AKNAD1: variants seen among roughly 807,000 people sequenced by gnomAD.
The protein encoded by AKNAD1 is protein AKNAD1.
In AKNAD1, 67 loss-of-function variants were observed where a neutral mutation model predicts 90.8. The observed-to-expected ratio is 0.74, with a 90% confidence interval of 0.61 to 0.90. The LOEUF (loss-of-function observed/expected upper bound fraction) is 0.90. Ranked by LOEUF, AKNAD1 falls within the 40% of genes least tolerant of loss-of-function variation. The pLI, the probability that AKNAD1 is intolerant of heterozygous loss-of-function variation, is 0.00. For missense variants in AKNAD1, 957 were observed against 975.4 expected, an observed-to-expected ratio of 0.98 and a Z score of 0.25; for synonymous variants, 327 against 341.4, an observed-to-expected ratio of 0.96 and a Z score of 0.46.
intron 5 of AKNAD1, among the ~76,000 whole-genome samples, chr1:108,846,672 C>T (rs1373291666): frequency 6.6e-6 from 1 of 152,094 alleles, no homozygotes; most frequent in Non-Finnish European, 1.5e-5. Flanking sequence ...CTCTTCACTT[C>T]TCACTCTGTG....
At chr1:108,817,497 A>ATTTTTTTTTTTTTTTTTTTTTTTTT (rs10681740) in intron 14 of AKNAD1, 7 of 60,336 alleles carry the variant, frequency 1.2e-4, no homozygotes, top group East Asian at 5.4e-4. Context: ...TTTTTTTTTA[A>ATTTTTTTTTTTTTTTTTTTTTTTTT]TTTTTTTTTT....
At chr1:108,840,914 T>C (rs1301600300) in intron 6 of AKNAD1, among the ~76,000 whole-genome samples, 1 of 152,214 alleles carries the variant, frequency 6.6e-6, no homozygotes, top group Non-Finnish European at 1.5e-5. Context: ...CTCATGCCTG[T>C]AATCCCAGCA....
intron 14 of AKNAD1, among the ~76,000 whole-genome samples, chr1:108,817,611 C>T (rs1167121873): frequency 2.0e-5 from 3 of 147,118 alleles, no homozygotes; most frequent in Admixed American, 1.4e-4. Context: ...ACGCCATTCT[C>T]GTGCCTCAGC....
chr1:108,828,140 A>G (rs1664071615), intron 10 of AKNAD1, among the ~76,000 whole-genome samples: 1 of 151,640 alleles, frequency 6.6e-6, no homozygotes, highest in Non-Finnish European at 1.5e-5. Context: ...AGGGGAAGAA[A>G]CTATGCTATA....
intron 5 of AKNAD1, among the ~76,000 whole-genome samples, chr1:108,848,275 A>T (rs1664755557): frequency 6.6e-6 from 1 of 152,226 alleles, no homozygotes; most frequent in South Asian, 2.1e-4. Flanking sequence ...GATGACATAA[A>T]TTAATGGTTT....
chr1:108,827,297 T>G lies in AKNAD1; in HGVS notation c.1844A>C (p.Gln615Pro), dbSNP rs758115565. The G allele has an allele frequency of 6.2e-7, 1 of 1,608,138 alleles. No homozygotes were observed. The highest frequency in any genetic ancestry group is 8.5e-7 in the Non-Finnish European group (1 of 1,176,464). Residue 615 changes from glutamine to proline, a missense_variant, in exon 11 of 16, where the codon CAA becomes CCA. Physicochemically the swap from Gln to Pro is moderately conservative, Grantham distance 76. Coordinates refer to ENST00000370001, the MANE Select transcript of AKNAD1 (RefSeq NM_152763.5). ...TCCGTGGCCCTTTTTCTCCACGTTT[T>G]GCTTCCTAAAAAAAGGTGCATAAGA... is the stretch of plus-strand genomic sequence containing the variant. ...AFCRRLLEWK[Q>P]NVEKKGHGRI...
chr1:108,851,843 C>T lies in AKNAD1; in HGVS notation c.822G>A (p.Lys274=). 2 of 1,613,708 alleles carry T rather than the reference C, an allele frequency of 1.2e-6. No homozygotes were observed. The highest frequency in any genetic ancestry group is 1.7e-6 in the Non-Finnish European group (2 of 1,179,906). ...IAPKVKIPKN[K]IINKPLAIAK... ...CTATTGCAAGTGGTTTATTAATTAT[C>T]TTATTTTTAGGAATTTTCACTTTGG... The change falls in exon 2 of 16, where the codon AAG becomes AAA. Residue 274 remains lysine, a synonymous_variant. Coordinates refer to ENST00000370001, the MANE Select transcript of AKNAD1 (RefSeq NM_152763.5).
intron 10 of AKNAD1, among the ~76,000 whole-genome samples, chr1:108,828,908 A>C (rs887759516): frequency 2.6e-5 from 4 of 151,872 alleles, no homozygotes; most frequent in Non-Finnish European, 4.4e-5. Context: ...GTTTTTCAAC[A>C]AGACAAAGCA....
chr1:108,818,271 T>C (rs1158476258), intron 14 of AKNAD1, among the ~76,000 whole-genome samples: 1 of 152,238 alleles, frequency 6.6e-6, no homozygotes, highest in Non-Finnish European at 1.5e-5. Context: ...AAAACACTTG[T>C]GAGGAATATC....
At chr1:108,836,120 A>T (rs1170601010) in intron 7 of AKNAD1, among the ~76,000 whole-genome samples, 1 of 152,220 alleles carries the variant, frequency 6.6e-6, no homozygotes, top group Non-Finnish European at 1.5e-5. Context: ...GAGAGTTCTC[A>T]TCATTTCACA....
At chr1:108,845,964 T>G (rs916720316) in intron 5 of AKNAD1, among the ~76,000 whole-genome samples, 1 of 152,164 alleles carries the variant, frequency 6.6e-6, no homozygotes, top group East Asian at 1.9e-4. Context: ...AATCACAAAT[T>G]ATAATTCAGG....
In AKNAD1 at chr1:108,847,594, A is replaced by T. The variant is rs563037892; in HGVS notation, c.1245+1158T>A. The stretch of plus-strand genomic sequence containing the variant: ...GTCACCACGTGCTCCCAAGTGCTGT[A>T]TGGTAAATCACAGTGCCCACAGCTC... On this transcript the variant is annotated intron_variant, in intron 5 of 15. Coordinates refer to ENST00000370001, the MANE Select transcript of AKNAD1 (RefSeq NM_152763.5). Among the ~76,000 whole-genome samples the T allele has an allele frequency of 8.0e-5, 12 of 150,288 alleles. No individual in the cohort carries two copies. The South Asian group carries it at 2.5e-3, about 32-fold the overall frequency.
At chr1:108,830,756 C>A in intron 9 of AKNAD1, 106 bp from the exon 10 acceptor site, 1 of 1,072,800 alleles carries the variant, frequency 9.3e-7, no homozygotes, top group Non-Finnish European at 1.4e-6. Flanking sequence ...GAACTTGCCA[C>A]CTCAGGCAGA....
chr1:108,818,517 CTTA>C (rs988553021), intron 14 of AKNAD1, among the ~76,000 whole-genome samples: 1 of 152,152 alleles, frequency 6.6e-6, no homozygotes, highest in Non-Finnish European at 1.5e-5. Flanking sequence ...TTGCTGAGTA[CTTA>C]TTATGAGCCT....
chr1:108,848,363 T>C (rs963696831), intron 5 of AKNAD1, among the ~76,000 whole-genome samples: 6 of 152,238 alleles, frequency 3.9e-5, no homozygotes, highest in African/African-American at 1.2e-4. Context: ...GTTGATTTTA[T>C]GAGTATTCAA....
At chr1:108,830,697 C>G in intron 9 of AKNAD1, 47 bp from the exon 10 acceptor site, 3 of 1,590,120 alleles carry the variant, frequency 1.9e-6, no homozygotes, top group Non-Finnish European at 1.7e-6. Flanking sequence ...GGATGTGACT[C>G]ACGCCGCGGC....
chr1:108,839,471 T>TAAAAAAAAAAAAAGAAAAAAAAAA (rs3044857), intron 6 of AKNAD1, among the ~76,000 whole-genome samples: 2 of 126,164 alleles, frequency 1.6e-5, no homozygotes, highest in South Asian at 2.3e-4. Flanking sequence ...TCCGTCTCAA[T>TAAAAAAAAAAAAAGAAAAAAAAAA]AAAAAAAAAA....
At chr1:108,829,758 C>T (rs1664127537) in intron 10 of AKNAD1, among the ~76,000 whole-genome samples, 1 of 152,194 alleles carries the variant, frequency 6.6e-6, no homozygotes, top group Admixed American at 6.5e-5. Flanking sequence ...CCATTACGTA[C>T]ATATAACAGT....
Position 108,849,532 on chromosome 1 carries a change from A to G in AKNAD1, c.1033+5T>C. 1 of 1,559,978 alleles carries G rather than the reference A, an allele frequency of 6.4e-7. No individual in the cohort carries two copies. Among genetic ancestry groups the G allele is most frequent in the Non-Finnish European group, 8.8e-7 (1 of 1,131,086 alleles). On this transcript the variant is annotated splice_donor_5th_base_variant and intron_variant, in intron 3 of 15. Coordinates refer to ENST00000370001, the MANE Select transcript of AKNAD1 (RefSeq NM_152763.5). ...TATCTCAAAGAAGTTTTAAAACATTAGTACCTGTGAGAAGTTCTTGGTGGA... is the reference window on the plus strand; with the variant it reads ...TATCTCAAAGAAGTTTTAAAACATTGGTACCTGTGAGAAGTTCTTGGTGGA...
Sources: allele counts gnomAD v4.1 joint callset (sites outside exome capture counted in the v4.1 genomes callset), GRCh38; gene constraint gnomAD v4.1.1; transcripts MANE v1.5; gene names NCBI Gene and HGNC (gene_info 2026-07-23, HGNC 2026-07-21).